Variants in MCPH1 observed in about 807,000 individuals in gnomAD.
MCPH1 encodes microcephalin.
In MCPH1, 104 loss-of-function variants were observed where a neutral mutation model predicts 84.5. That is an observed-to-expected ratio of 1.23 (90% CI 1.05 to 1.45). The LOEUF is 1.45. Ranked by LOEUF, MCPH1 falls within the 40% of genes most tolerant of loss-of-function variation. The pLI, the probability that MCPH1 is intolerant of heterozygous loss-of-function variation, is 0.00. For missense variants in MCPH1, 1,498 were observed against 1,005.7 expected, an observed-to-expected ratio of 1.49 and a Z score of -6.62; for synonymous variants, 514 against 366.8, an observed-to-expected ratio of 1.40 and a Z score of -4.58.
At chr8:6,602,564 C>T (rs540275123) in intron 12 of MCPH1, among the ~76,000 whole-genome samples, 35 of 152,198 alleles carry the variant, frequency 2.3e-4, no homozygotes, top group Non-Finnish European at 4.4e-4. Context: ...ACTCAGAGAG[C>T]CTTCCCCAAA....
At chr8:6,571,145 G>A (rs551896032) in intron 12 of MCPH1, among the ~76,000 whole-genome samples, 9 of 152,236 alleles carry the variant, frequency 5.9e-5, no homozygotes, top group African/African-American at 2.2e-4. Context: ...GGTCAAGATA[G>A]AAGTCACAAC....
intron 12 of MCPH1, among the ~76,000 whole-genome samples, chr8:6,521,576 T>C (rs958291481): frequency 2.6e-5 from 4 of 152,198 alleles, no homozygotes; most frequent in Admixed American, 2.0e-4. Context: ...GCTGAGAAGA[T>C]TAGATATATA....
chr8:6,565,671 G>A (rs1826086703), intron 12 of MCPH1, among the ~76,000 whole-genome samples: 2 of 152,212 alleles, frequency 1.3e-5, no homozygotes, highest in Admixed American at 1.3e-4. Flanking sequence ...CCAGCCTTGT[G>A]TCAGACACCA....
At chr8:6,461,840 G>A (rs1289385400) in intron 9 of MCPH1, among the ~76,000 whole-genome samples, 1 of 152,202 alleles carries the variant, frequency 6.6e-6, no homozygotes, top group African/African-American at 2.4e-5. Flanking sequence ...GCTATGTATA[G>A]ATACCAGCAC....
At chr8:6,449,039 G>T (rs1804753145) in intron 8 of MCPH1, among the ~76,000 whole-genome samples, 1 of 152,174 alleles carries the variant, frequency 6.6e-6, no homozygotes, top group Non-Finnish European at 1.5e-5. Flanking sequence ...TTCAGACTGA[G>T]TGTTCCCATC....
chr8:6,638,578 TAA>T (rs60063681), intron 13 of MCPH1, among the ~76,000 whole-genome samples: 6,696 of 144,892 alleles, frequency 0.046, 293 homozygotes, highest in African/African-American at 0.12. Context: ...TGCTTACATT[TAA>T]AAAAAAAAAA....
At chr8:6,487,657 T>G (rs1319821826) in intron 11 of MCPH1, among the ~76,000 whole-genome samples, 1 of 152,212 alleles carries the variant, frequency 6.6e-6, no homozygotes, top group Non-Finnish European at 1.5e-5. Context: ...AGGGTGCCCT[T>G]CAGGTCTCTC....
chr8:6,626,859 T>G (rs1413449679), intron 13 of MCPH1: 2 of 985,140 alleles, frequency 2.0e-6, no homozygotes, highest in East Asian at 1.1e-4. Flanking sequence ...AAAGGCTGGC[T>G]TGGCCTTTCT....
intron 12 of MCPH1, among the ~76,000 whole-genome samples, chr8:6,516,258 C>G (rs926536142): frequency 2.0e-5 from 3 of 152,242 alleles, no homozygotes; most frequent in African/African-American, 7.2e-5. Context: ...ACACACCACT[C>G]TCATCCAAGT....
At chr8:6,586,252 T>C (rs1196113263) in intron 12 of MCPH1, among the ~76,000 whole-genome samples, 1 of 152,204 alleles carries the variant, frequency 6.6e-6, no homozygotes, top group Admixed American at 6.5e-5. Context: ...TGAGCCACCA[T>C]GCCCAGCTCA....
intron 9 of MCPH1, among the ~76,000 whole-genome samples, chr8:6,477,040 A>G (rs1808557185): frequency 8.2e-6 from 1 of 121,230 alleles, no homozygotes; most frequent in African/African-American, 3.2e-5. Flanking sequence ...GATAAGCAAA[A>G]AAAAAATTAA....
chr8:6,516,699 A>G (rs887855626), intron 12 of MCPH1, among the ~76,000 whole-genome samples: 3 of 152,200 alleles, frequency 2.0e-5, no homozygotes, highest in South Asian at 2.1e-4. Context: ...TTAATTCTGT[A>G]TCCTAAATGG....
chr8:6,562,834 T>A (rs974465388), intron 12 of MCPH1: 2 of 1,613,406 alleles, frequency 1.2e-6, no homozygotes, highest in Non-Finnish European at 1.7e-6. Context: ...CTGGACCTGA[T>A]ATTGCTTCTT....
intron 13 of MCPH1, among the ~76,000 whole-genome samples, chr8:6,636,800 C>T (rs903231483): frequency 6.6e-6 from 1 of 152,146 alleles, no homozygotes; most frequent in African/African-American, 2.4e-5. Flanking sequence ...TGCCACCCAC[C>T]ACCCCCCAAA....
intron 12 of MCPH1, among the ~76,000 whole-genome samples, chr8:6,598,194 G>T (rs894356527): frequency 1.3e-5 from 2 of 152,342 alleles, no homozygotes; most frequent in South Asian, 2.1e-4. Flanking sequence ...GAGCACCAGA[G>T]ACTCCGTGTA....
rs954611468 is a variant in MCPH1, at chr8:6,535,196, A to G, written c.2214+35267A>G. 2.6e-5 allele frequency among the ~76,000 whole-genome samples: 4 copies of G among 152,208 alleles called. No individual in the cohort carries two copies. The East Asian group carries it at 5.8e-4, about 22-fold the overall frequency. On this transcript the variant is annotated intron_variant, in intron 12 of 13. Transcript: ENST00000344683. ...GTATTTTGTCACTCTAAATCATACA[A>G]CCAGAGAGGGAAAATGAATCCTCTA...
chr8:6,504,145 C>G (rs199794373), intron 12 of MCPH1, among the ~76,000 whole-genome samples: 1 of 151,784 alleles, frequency 6.6e-6, no homozygotes, highest in Non-Finnish European at 1.5e-5. Context: ...GGTGAAACCC[C>G]GTCTCTACTA....
At chr8:6,488,219 C>T (rs1215325816) in intron 11 of MCPH1, among the ~76,000 whole-genome samples, 1 of 152,224 alleles carries the variant, frequency 6.6e-6, no homozygotes, top group Non-Finnish European at 1.5e-5. Flanking sequence ...CCTCCATCCC[C>T]CTGTCTGCTG....
chr8:6,474,007 GT>G (rs1203849128), intron 9 of MCPH1: 2 of 897,944 alleles, frequency 2.2e-6, no homozygotes, highest in Non-Finnish European at 3.7e-6. Flanking sequence ...ACTGAATATT[GT>G]CTTTTAGTTT....
Sources: allele counts gnomAD v4.1 joint callset (sites outside exome capture counted in the v4.1 genomes callset), GRCh38; gene constraint gnomAD v4.1.1; transcripts MANE v1.5; gene names NCBI Gene and HGNC (gene_info 2026-07-23, HGNC 2026-07-21).